PDZD9: variants seen among roughly 807,000 people sequenced by gnomAD.
PDZD9 encodes PDZ domain containing 9.
Under a neutral mutation model 16.3 loss-of-function variants are expected in PDZD9, and 13 were observed. The ratio of observed to expected loss-of-function variants is 0.80; its 90% confidence interval spans 0.52 to 1.27. PDZD9 has a LOEUF of 1.27. PDZD9 is among the 50% of genes most tolerant of loss of function. PDZD9 has a pLI of 0.00. For synonymous variants in PDZD9, 120 were observed against 111.0 expected (o/e 1.08, Z -0.51); for missense variants, 288 against 310.9 (o/e 0.93, Z 0.55).
chr16:21,957,639 A>G, the PDZD9 span: 1 of 1,554,810 alleles, frequency 6.4e-7, no homozygotes, highest in South Asian at 1.2e-5. Context: ...AAAAACTAAG[A>G]TCAATGTCTT....
chr16:21,989,293 A>G (rs1286340662), intron 2 of PDZD9, among the ~76,000 whole-genome samples: 20 of 152,110 alleles, frequency 1.3e-4, no homozygotes, highest in Admixed American at 1.3e-3. Flanking sequence ...CATACTGAAG[A>G]ATGTATGCAA....
At chr16:21,972,009 G>A in the PDZD9 span, 1 of 1,614,174 alleles carries the variant, frequency 6.2e-7, no homozygotes, top group East Asian at 2.2e-5. Context: ...AGAGGCAAAT[G>A]CATTTAGTGT....
At chr16:21,960,263 T>C in the PDZD9 span, among the ~76,000 whole-genome samples, 1 of 152,202 alleles carries the variant, frequency 6.6e-6, no homozygotes, top group South Asian at 2.1e-4. Context: ...GCTTCTATAT[T>C]AGCATTTGCT....
intron 1 of PDZD9, 125 bp downstream of exon 1, chr16:22,000,892 A>T: frequency 1.2e-6 from 1 of 850,780 alleles, no homozygotes; most frequent in Non-Finnish European, 1.8e-6. Flanking sequence ...GATGATGATA[A>T]CAACAACGAT....
At chr16:21,981,864 G>A (rs142602384), downstream of PDZD9, among the ~76,000 whole-genome samples, 2 of 147,616 alleles carry the variant, frequency 1.4e-5, no homozygotes, top group African/African-American at 2.5e-5. Flanking sequence ...TTTTTGAGAC[G>A]GAGTCTTGCT....
At chr16:21,985,442 T>TTTG (rs760948159) in intron 3 of PDZD9, among the ~76,000 whole-genome samples, 42 of 152,132 alleles carry the variant, frequency 2.8e-4, no homozygotes, top group Middle Eastern at 3.4e-3. Flanking sequence ...CAGCCAGGTT[T>TTTG]TTGTTGTTGT....
chr16:21,976,502 G>A, the PDZD9 span: 2 of 356,714 alleles, frequency 5.6e-6, no homozygotes, highest in African/African-American at 4.2e-5. Flanking sequence ...GACCAGCTTG[G>A]GCAACATAGC....
At chr16:21,983,314 A>T (rs1365070843), downstream of PDZD9, 2 of 670,456 alleles carry the variant, frequency 3.0e-6, no homozygotes, top group African/African-American at 3.7e-5. Flanking sequence ...AATTATTCCC[A>T]GCTGACCTAA....
At chr16:21,978,377 C>G in the PDZD9 span, among the ~76,000 whole-genome samples, 2 of 152,124 alleles carry the variant, frequency 1.3e-5, no homozygotes, top group African/African-American at 4.8e-5. Flanking sequence ...TCAAATAACT[C>G]GACTGTCTTA....
chr16:21,958,230 C>T, the PDZD9 span, among the ~76,000 whole-genome samples: 2 of 152,186 alleles, frequency 1.3e-5, no homozygotes, highest in South Asian at 2.1e-4. Flanking sequence ...AAATTTTTAA[C>T]AGGAAGTGCC....
chr16:21,995,056 T>C (rs1288718702), intron 2 of PDZD9, among the ~76,000 whole-genome samples: 1 of 152,098 alleles, frequency 6.6e-6, no homozygotes, highest in Non-Finnish European at 1.5e-5. Flanking sequence ...ACATCTCATG[T>C]TCAACTGTAG....
Position 21,996,430 on chromosome 16 carries a change from C to T in PDZD9, c.103G>A (p.Val35Met), listed in dbSNP as rs1567490174. ...LSKTQQTKLT[V>M]GSLGLGLIII... is the part of the protein sequence containing the mutation. ...ATGAGGCCTAATCCCAGGCTACCCA[C>T]AGTGAGTTTGGTCTGCTGTGTTTTG... The change falls in exon 2 of 4, where the codon GTG becomes ATG. Residue 35 changes from valine (V) to methionine (M), a missense_variant. Coordinates refer to ENST00000424898, the MANE Select transcript of PDZD9 (RefSeq NM_001363519.1). 6 of 1,536,118 alleles carry T rather than the reference C, an allele frequency of 3.9e-6. No homozygotes were observed. Among genetic ancestry groups the T allele is most frequent in the Non-Finnish European group, 5.2e-6 (6 of 1,146,882 alleles).
downstream of PDZD9, among the ~76,000 whole-genome samples, chr16:21,981,933 C>T (rs898538386): frequency 1.3e-5 from 2 of 151,078 alleles, no homozygotes; most frequent in Non-Finnish European, 3.0e-5. Flanking sequence ...CTCCGCCTCC[C>T]GGGTTCACGC....
downstream of PDZD9, chr16:21,980,763 G>C (rs922770436): frequency 2.8e-5 from 44 of 1,586,790 alleles, no homozygotes; most frequent in Admixed American, 5.1e-5. Flanking sequence ...TCCAATTTCA[G>C]AAGGATGCAT....
downstream of PDZD9, chr16:21,980,831 G>A (rs940149637): frequency 1.9e-6 from 2 of 1,042,436 alleles, no homozygotes; most frequent in Admixed American, 2.9e-5. Context: ...TTAATGTGGA[G>A]GCAGGAGGGC....
At position 21,988,638 on chromosome 16, in the gene PDZD9, T is replaced by C; in HGVS notation, c.365A>G (p.Tyr122Cys). The stretch of plus-strand genomic sequence containing the variant: ...GAATTTGGCCTCAGGGATTAAATCA[T>C]ATATTTCTTGCCATTCTTCAGGAAT... ...INIPEEWQEIYDLIPEAKFPV... is the reference protein window; with the variant it reads ...INIPEEWQEICDLIPEAKFPV... The change falls in exon 3 of 4, where the codon TAT becomes TGT. Residue 122 changes from tyrosine (Y) to cysteine (C), a missense_variant. By Grantham distance (194) the Tyr-to-Cys change is radical. Transcript: ENST00000424898. 6.2e-7 allele frequency: 1 copy of C among 1,613,182 alleles called. No individual in the cohort carries two copies. The highest frequency in any genetic ancestry group is 1.1e-5 in the South Asian group (1 of 90,982).
At chr16:21,980,346 A>T (rs553231200), downstream of PDZD9, 8 of 594,044 alleles carry the variant, frequency 1.3e-5, no homozygotes, top group Non-Finnish European at 2.3e-5. Flanking sequence ...CCCTGAAGAG[A>T]CTTCTTCCCT....
At chr16:21,962,707 A>C in the PDZD9 span, 1 of 1,611,798 alleles carries the variant, frequency 6.2e-7, no homozygotes, top group South Asian at 1.1e-5. Flanking sequence ...GTAGAATCTC[A>C]AATGTTGGCT....
At chr16:21,968,525 AG>A in the PDZD9 span, 1 of 977,436 alleles carries the variant, frequency 1.0e-6, no homozygotes, top group Non-Finnish European at 1.5e-6. Flanking sequence ...GCAACTTATA[AG>A]GCCTTATAAG....
Sources: allele counts gnomAD v4.1 joint callset (sites outside exome capture counted in the v4.1 genomes callset), GRCh38; gene constraint gnomAD v4.1.1; transcripts MANE v1.5; gene names NCBI Gene and HGNC (gene_info 2026-07-23, HGNC 2026-07-21).